MEIKIN: variants seen among roughly 807,000 people sequenced by gnomAD.
The protein encoded by MEIKIN is meiosis-specific kinetochore protein.
chr5:131,923,867 C>T (rs1427923581), intron 5 of MEIKIN, among the ~76,000 whole-genome samples: 2 of 151,934 alleles, frequency 1.3e-5, no homozygotes, highest in Non-Finnish European at 2.9e-5. Flanking sequence ...TACACTCAAA[C>T]TTTTAAGTGT....
chr5:131,845,814 T>G (rs1306142752), intron 11 of MEIKIN, among the ~76,000 whole-genome samples: 1 of 152,072 alleles, frequency 6.6e-6, no homozygotes, highest in South Asian at 2.1e-4. Context: ...CAAGCAAACC[T>G]ACATATATAT....
chr5:131,843,704 A>G (rs1357221891), intron 11 of MEIKIN, among the ~76,000 whole-genome samples: 2 of 152,122 alleles, frequency 1.3e-5, no homozygotes, highest in Non-Finnish European at 2.9e-5. Flanking sequence ...TGTCCATATC[A>G]CTATCAGCAT....
At chr5:131,918,889 G>C (rs1027627704) in intron 6 of MEIKIN, among the ~76,000 whole-genome samples, 1 of 152,078 alleles carries the variant, frequency 6.6e-6, no homozygotes. Context: ...CAACACACTT[G>C]GTTGTATGTT....
intron 12 of MEIKIN, among the ~76,000 whole-genome samples, chr5:131,818,347 T>C (rs1244585242): frequency 6.6e-6 from 1 of 152,252 alleles, no homozygotes; most frequent in Non-Finnish European, 1.5e-5. Flanking sequence ...CATACGCTAA[T>C]TTTTCAAAAG....
intron 8 of MEIKIN, among the ~76,000 whole-genome samples, chr5:131,908,527 G>A (rs190750345): frequency 6.6e-6 from 1 of 152,230 alleles, no homozygotes; most frequent in Admixed American, 6.5e-5. Context: ...AAGAAGACAC[G>A]ATGCTCACTT....
At chr5:131,894,058 C>T (rs1389571331) in intron 8 of MEIKIN, among the ~76,000 whole-genome samples, 2 of 152,140 alleles carry the variant, frequency 1.3e-5, no homozygotes, top group Non-Finnish European at 2.9e-5. Flanking sequence ...TTTAATCCAT[C>T]TTGAATTAAT....
chr5:131,839,657 A>AG (rs1266175806), intron 11 of MEIKIN, among the ~76,000 whole-genome samples: 5 of 152,120 alleles, frequency 3.3e-5, no homozygotes, highest in African/African-American at 1.2e-4. Flanking sequence ...TTTGTCAGAA[A>AG]CTTGGATTGC....
chr5:131,919,215 AT>A (rs1313073162), intron 6 of MEIKIN, among the ~76,000 whole-genome samples: 2 of 152,220 alleles, frequency 1.3e-5, no homozygotes, highest in Non-Finnish European at 2.9e-5. Context: ...TTAAAAAAAA[AT>A]ATGACAACAC....
intron 8 of MEIKIN, among the ~76,000 whole-genome samples, 158 bp from the exon 9 acceptor site, chr5:131,879,206 T>A (rs572266168): frequency 6.6e-6 from 1 of 152,266 alleles, no homozygotes; most frequent in East Asian, 1.9e-4. Flanking sequence ...ACAAGAAAAA[T>A]TAATGTATGT....
intron 11 of MEIKIN, among the ~76,000 whole-genome samples, chr5:131,845,241 G>A (rs540473785): frequency 7.8e-6 from 1 of 128,936 alleles, no homozygotes; most frequent in Admixed American, 8.9e-5. Context: ...CTGCACTCCA[G>A]CCTGGGTGAC....
intron 8 of MEIKIN, among the ~76,000 whole-genome samples, chr5:131,903,071 G>A (rs564257557): frequency 2.8e-4 from 43 of 152,090 alleles, no homozygotes; most frequent in Non-Finnish European, 5.0e-4. Flanking sequence ...TTGAAGCCTG[G>A]ATGTACAAAA....
At chr5:131,862,701 A>C (rs993222104) in intron 9 of MEIKIN, among the ~76,000 whole-genome samples, 3 of 151,988 alleles carry the variant, frequency 2.0e-5, no homozygotes, top group Non-Finnish European at 4.4e-5. Flanking sequence ...TTATTTCAAG[A>C]ATTTTTTTTT....
At chr5:131,813,664 T>C (rs936197218) in intron 12 of MEIKIN, among the ~76,000 whole-genome samples, 36 of 151,992 alleles carry the variant, frequency 2.4e-4, no homozygotes, top group Non-Finnish European at 3.4e-4. Context: ...CCTGATCTCA[T>C]GATCCGCCCG....
intron 12 of MEIKIN, among the ~76,000 whole-genome samples, chr5:131,809,935 T>A (rs938260252): frequency 6.6e-6 from 1 of 152,100 alleles, no homozygotes; most frequent in African/African-American, 2.4e-5. Flanking sequence ...TAATGAGTGA[T>A]TATTATATGT....
At chr5:131,924,851 CTT>C (rs1417431135) in intron 5 of MEIKIN, among the ~76,000 whole-genome samples, 1 of 152,030 alleles carries the variant, frequency 6.6e-6, no homozygotes, top group Non-Finnish European at 1.5e-5. Flanking sequence ...CGTTACTGCT[CTT>C]GTTGCCTATA....
In MEIKIN at chr5:131,884,536, C is replaced by G. The variant is rs952548366; in HGVS notation, c.704-5488G>C. 2.7e-5 allele frequency among the ~76,000 whole-genome samples: 4 copies of G among 150,404 alleles called. No homozygotes were observed. The East Asian group carries it at 8.0e-4, about 30-fold the overall frequency. On this transcript the variant is annotated intron_variant, in intron 8 of 12. Coordinates refer to ENST00000442687, the MANE Select transcript of MEIKIN (RefSeq NM_001303622.2). ...GGGCCCTAAATAACCAGCAATGATA[C>G]CAGGTAGTATACCATGGCCCTTGGG...
chr5:131,915,028 A>T (rs1304806089), intron 7 of MEIKIN, among the ~76,000 whole-genome samples: 3 of 152,196 alleles, frequency 2.0e-5, no homozygotes, highest in Non-Finnish European at 4.4e-5. Flanking sequence ...GGCATCAGTT[A>T]GCTCTCCTGA....
At chr5:131,832,824 A>C (rs1426881420) in intron 11 of MEIKIN, among the ~76,000 whole-genome samples, 1 of 152,248 alleles carries the variant, frequency 6.6e-6, no homozygotes, top group Non-Finnish European at 1.5e-5. Context: ...TTTCAGCCAG[A>C]GCTAGAGTGG....
At chr5:131,898,569 G>T (rs201303684) in intron 8 of MEIKIN, among the ~76,000 whole-genome samples, 2 of 152,186 alleles carry the variant, frequency 1.3e-5, no homozygotes, top group Non-Finnish European at 2.9e-5. Context: ...GCTGAGCTGC[G>T]GTGGGCTCTG....
Sources: gnomAD v4.1 joint callset for allele counts (sites outside exome capture counted in the v4.1 genomes callset) on GRCh38, gnomAD v4.1.1 for gene constraint, MANE v1.5 for transcripts, NCBI Gene and HGNC (gene_info 2026-07-23, HGNC 2026-07-21) for gene names.